TTC23L: variants seen among roughly 807,000 people sequenced by gnomAD.
The protein encoded by TTC23L is tetratricopeptide repeat domain 23 like, also known as tetratricopeptide repeat protein 23-like.
Under a neutral mutation model 48.1 loss-of-function variants are expected in TTC23L, and 42 were observed. That is an observed-to-expected ratio of 0.87 (90% CI 0.68 to 1.13). TTC23L has a LOEUF of 1.13. Ranked by LOEUF, TTC23L falls within the 50% of genes most tolerant of loss-of-function variation. TTC23L has a pLI of 0.00. For synonymous variants in TTC23L, 159 were observed against 157.2 expected, an observed-to-expected ratio of 1.01 and a Z score of -0.09; for missense variants, 391 against 421.0, an observed-to-expected ratio of 0.93 and a Z score of 0.62.
At chr5:34,904,013 T>C (rs377684617), downstream of TTC23L, among the ~76,000 whole-genome samples, 12 of 152,042 alleles carry the variant, frequency 7.9e-5, no homozygotes, top group South Asian at 6.2e-4. Context: ...CCTGCCAGAC[T>C]GGAGTGCAGT....
chr5:34,897,443 C>T (rs956507768), intron 10 of TTC23L, among the ~76,000 whole-genome samples: 1 of 151,736 alleles, frequency 6.6e-6, no homozygotes, highest in East Asian at 1.9e-4. Context: ...CAAAACCTTC[C>T]TTATTGGCAT....
intron 9 of TTC23L, among the ~76,000 whole-genome samples, chr5:34,890,772 T>C (rs1051972759): frequency 1.3e-5 from 2 of 152,154 alleles, no homozygotes; most frequent in Non-Finnish European, 2.9e-5. Flanking sequence ...GAAGACAGAC[T>C]GCCTGGAGTT....
Position 34,863,181 on chromosome 5 carries a change from C to T in TTC23L, c.536+127C>T. 4 of 1,076,164 alleles carry T rather than the reference C, an allele frequency of 3.7e-6. No homozygotes were observed. Among genetic ancestry groups the T allele is most frequent in the Non-Finnish European group, 5.4e-6 (4 of 739,224 alleles). 66.7% of individuals were successfully genotyped at this position (1,076,164 alleles called of 1,614,324 possible). On this transcript the variant is annotated intron_variant, in intron 5 of 10. Coordinates refer to ENST00000505624, the Ensembl canonical transcript of TTC23L. The surrounding 1 kb of genome is among the most constrained non-coding windows in gnomAD (Gnocchi z 4.1). Reference sequence around the variant, plus strand: ...TGTAGATCTGTTCCAACATCAAGGCCCTCCATGAGCCTCTCCTCTCCATCT... The same window carrying T: ...TGTAGATCTGTTCCAACATCAAGGCTCTCCATGAGCCTCTCCTCTCCATCT...
At chr5:34,871,961 A>G (rs1482899875) in intron 8 of TTC23L, among the ~76,000 whole-genome samples, 1 of 152,208 alleles carries the variant, frequency 6.6e-6, no homozygotes, top group Non-Finnish European at 1.5e-5. Flanking sequence ...TCCTAACTGT[A>G]AGAGCTAAAA....
the TTC23L span, chr5:34,905,492 T>G: frequency 6.6e-6 from 1 of 152,070 alleles, no homozygotes; most frequent in Non-Finnish European, 1.5e-5. Context: ...CTTATTTTTA[T>G]TAAAGTGGAA....
At chr5:34,844,255 C>T (rs367733416) in intron 2 of TTC23L, among the ~76,000 whole-genome samples, 69 of 152,300 alleles carry the variant, frequency 4.5e-4, no homozygotes, top group African/African-American at 1.6e-3. Context: ...AGCCTGCCTG[C>T]GCTTGGGCCT....
At chr5:34,885,544 T>C (rs1405719840) in intron 9 of TTC23L, among the ~76,000 whole-genome samples, 1 of 152,068 alleles carries the variant, frequency 6.6e-6, no homozygotes, top group Non-Finnish European at 1.5e-5. Context: ...CAGGAGTTCA[T>C]GACCAACCTG....
At chr5:34,919,931 G>A in the TTC23L span, 1 of 703,410 alleles carries the variant, frequency 1.4e-6, no homozygotes, top group South Asian at 1.8e-5. Flanking sequence ...AATGTTAACA[G>A]TGGCTTATTT....
At chr5:34,861,098 G>A (rs1277788654) in intron 4 of TTC23L, 1 of 152,372 alleles carries the variant, frequency 6.6e-6, no homozygotes, top group Non-Finnish European at 1.5e-5. Context: ...CTCTCTAGTA[G>A]CTGGGACTTC....
chr5:34,867,761 A>T (rs1161029704), intron 7 of TTC23L: 1 of 152,610 alleles, frequency 6.6e-6, no homozygotes, highest in Non-Finnish European at 1.5e-5. Context: ...GGTGCAATGC[A>T]ATCTAACAGT....
chr5:34,924,750 C>T, the TTC23L span: 1 of 705,672 alleles, frequency 1.4e-6, no homozygotes, highest in African/African-American at 1.8e-5. Context: ...TATGGATTAT[C>T]AATTATTTCA....
chr5:34,842,794 G>A (rs559908955), intron 2 of TTC23L, among the ~76,000 whole-genome samples: 5 of 152,230 alleles, frequency 3.3e-5, no homozygotes, highest in South Asian at 2.1e-4. Context: ...TGATCATATC[G>A]TCTCCAGTGG....
chr5:34,854,710 C>T (rs1195601083), intron 4 of TTC23L, among the ~76,000 whole-genome samples: 1 of 152,170 alleles, frequency 6.6e-6, no homozygotes, highest in African/African-American at 2.4e-5. Context: ...TTCCAGCAGC[C>T]AAAAGGCTAA....
chr5:34,888,573 A>G (rs758967047), intron 9 of TTC23L: 186 of 942,090 alleles, frequency 2.0e-4, no homozygotes, highest in Non-Finnish European at 2.2e-4. Context: ...CATGTCATCA[A>G]TGTGGATATA....
intron 2 of TTC23L, 68 bp from the exon 3 acceptor site, chr5:34,845,419 C>T: frequency 6.6e-7 from 1 of 1,511,994 alleles, no homozygotes; most frequent in South Asian, 1.3e-5. Flanking sequence ...GAGCTATGCC[C>T]TTCAATTTTA....
intron 4 of TTC23L, among the ~76,000 whole-genome samples, chr5:34,853,423 C>T (rs184851106): frequency 2.9e-3 from 448 of 152,092 alleles, no homozygotes; most frequent in African/African-American, 0.01. Flanking sequence ...CCTAGCTACT[C>T]GGGAGGCTGA....
At chr5:34,840,248 G>T (rs912464234) in intron 1 of TTC23L, among the ~76,000 whole-genome samples, 1 of 143,536 alleles carries the variant, frequency 7.0e-6, no homozygotes, top group South Asian at 2.3e-4. Flanking sequence ...GGGGGGGGGG[G>T]GGAAAGCAGA....
chr5:34,898,445 C>A (rs1398851682), intron 10 of TTC23L, among the ~76,000 whole-genome samples: 1 of 152,156 alleles, frequency 6.6e-6, no homozygotes, highest in Non-Finnish European at 1.5e-5. Flanking sequence ...AGGTTTCAGA[C>A]AAGGGGAATC....
chr5:34,853,096 C>G (rs1039630688), intron 4 of TTC23L, among the ~76,000 whole-genome samples: 4 of 152,142 alleles, frequency 2.6e-5, no homozygotes, highest in Non-Finnish European at 5.9e-5. Context: ...CACAACTAAA[C>G]CATATCATGG....
Sources: allele counts gnomAD v4.1 joint callset (sites outside exome capture counted in the v4.1 genomes callset), GRCh38; gene constraint gnomAD v4.1.1; non-coding constraint Gnocchi (gnomAD v3.1); transcripts MANE v1.5; gene names NCBI Gene and HGNC (gene_info 2026-07-23, HGNC 2026-07-21).